Variants in DCLK1 observed in about 807,000 individuals in gnomAD.
DCLK1 encodes the protein doublecortin like kinase 1.
Under a neutral mutation model 86.2 loss-of-function variants are expected in DCLK1, and 16 were observed. The ratio of observed to expected loss-of-function variants is 0.19; its 90% CI spans 0.13 to 0.28. The LOEUF (loss-of-function observed/expected upper bound fraction) is 0.28, where lower values mean the gene tolerates loss of function less well. DCLK1 is among the 10% of genes least tolerant of loss of function. DCLK1 has a pLI of 1.00. For synonymous variants in DCLK1, 369 were observed against 370.5 expected, an observed-to-expected ratio of 1.00 and a Z score of 0.05; for missense variants, 590 against 940.2, an observed-to-expected ratio of 0.63 and a Z score of 4.87.
At chr13:35,945,161 A>G (rs1877301008) in intron 4 of DCLK1, among the ~76,000 whole-genome samples, 1 of 152,096 alleles carries the variant, frequency 6.6e-6, no homozygotes, top group African/African-American at 2.4e-5. Flanking sequence ...TGGCCTCCCA[A>G]AGTCCTGGGT....
At chr13:35,910,580 G>A (rs990445802) in intron 4 of DCLK1, among the ~76,000 whole-genome samples, 7 of 152,242 alleles carry the variant, frequency 4.6e-5, no homozygotes, top group East Asian at 1.9e-4. Flanking sequence ...CCTTAAAACC[G>A]AACATGTCTG....
intron 9 of DCLK1, 44 bp from the exon 10 acceptor site, chr13:35,827,798 G>A (rs1868604052): frequency 6.2e-7 from 1 of 1,607,648 alleles, no homozygotes. Flanking sequence ...CATAAAACAT[G>A]TGGAGGGCTA....
intron 4 of DCLK1, among the ~76,000 whole-genome samples, chr13:35,917,584 C>T (rs1875495136): frequency 6.6e-6 from 1 of 152,128 alleles, no homozygotes; most frequent in Non-Finnish European, 1.5e-5. Context: ...AGAAAGCATG[C>T]CAAGCCTTGT....
intron 4 of DCLK1, among the ~76,000 whole-genome samples, chr13:35,892,961 A>G (rs1001196557): frequency 5.3e-5 from 8 of 152,252 alleles, no homozygotes; most frequent in African/African-American, 1.9e-4. Flanking sequence ...AATATACCAA[A>G]AGATGGGCTC....
chr13:35,997,298 C>T (rs920939946), intron 3 of DCLK1, among the ~76,000 whole-genome samples: 3 of 152,038 alleles, frequency 2.0e-5, no homozygotes, highest in East Asian at 3.8e-4. Flanking sequence ...GAAGATAGGC[C>T]CCAATCCAAC....
At chr13:35,956,361 C>A (rs1050973907) in intron 3 of DCLK1, among the ~76,000 whole-genome samples, 1 of 152,072 alleles carries the variant, frequency 6.6e-6, no homozygotes, top group Admixed American at 6.6e-5. Flanking sequence ...TTCTATTGCA[C>A]AAAAGATTCA....
At chr13:35,932,270 G>A (rs530562533) in intron 4 of DCLK1, among the ~76,000 whole-genome samples, 1 of 152,194 alleles carries the variant, frequency 6.6e-6, no homozygotes, top group African/African-American at 2.4e-5. Context: ...TTCATCATTG[G>A]CTCCTCCAGG....
Position 35,774,377 on chromosome 13 carries a change from A to C in DCLK1, c.*158T>G. On this transcript the variant is annotated 3_prime_UTR_variant, in exon 17 of 17. Coordinates refer to ENST00000360631, the MANE Select transcript of DCLK1 (RefSeq NM_001330071.2). The stretch of plus-strand genomic sequence containing the variant: ...CACCACGTGTCATCTTATTCAGTAA[A>C]GGGAAACCGCTACAAAGATACCTGA... 3 of 903,594 alleles carry C rather than the reference A, an allele frequency of 3.3e-6. No homozygotes were observed. Among genetic ancestry groups the C allele is most frequent in the Non-Finnish European group, 4.9e-6 (3 of 613,392 alleles). 56.0% of individuals were successfully genotyped at this position (903,594 alleles called of 1,614,324 possible).
At chr13:35,978,203 C>CTTTTTTTTTTTTT (rs11311688) in intron 3 of DCLK1, among the ~76,000 whole-genome samples, 4 of 82,758 alleles carry the variant, frequency 4.8e-5, no homozygotes, top group Admixed American at 1.5e-4. Flanking sequence ...CTTTTCTTTT[C>CTTTTTTTTTTTTT]TTTTTTTTTT....
intron 3 of DCLK1, among the ~76,000 whole-genome samples, chr13:36,021,177 A>G (rs1235021464): frequency 6.6e-6 from 1 of 151,994 alleles, no homozygotes; most frequent in East Asian, 1.9e-4. Flanking sequence ...TTACATTGGC[A>G]TTATACCAAA....
At chr13:35,795,416 G>C (rs1459537440) in intron 15 of DCLK1, among the ~76,000 whole-genome samples, 1 of 152,206 alleles carries the variant, frequency 6.6e-6, no homozygotes, top group African/African-American at 2.4e-5. Flanking sequence ...ATTAGGAATA[G>C]AGCTTTTTAA....
intron 3 of DCLK1, among the ~76,000 whole-genome samples, chr13:36,048,219 T>C (rs1233365753): frequency 6.6e-6 from 1 of 152,174 alleles, no homozygotes; most frequent in African/African-American, 2.4e-5. Flanking sequence ...ATTGGATATA[T>C]GCTAAAACTG....
At chr13:35,849,174 G>A in intron 6 of DCLK1, 3 of 985,224 alleles carry the variant, frequency 3.0e-6, no homozygotes, top group South Asian at 4.7e-5. Flanking sequence ...TCTTCTTTTG[G>A]TTGGAATATT....
Position 35,772,546 on chromosome 13 carries a change from C to T in DCLK1, c.*1989G>A, listed in dbSNP as rs918321029. The T allele has an allele frequency of 2.6e-5, 4 of 152,064 alleles. No homozygotes were observed. The highest frequency in any genetic ancestry group is 9.7e-5 in the African/African-American group (4 of 41,390). 9.4% of individuals were successfully genotyped at this position (152,064 alleles called of 1,614,324 possible). A position where few individuals can be genotyped will look rare whatever the true frequency, so the allele number is the denominator to read the frequency against. ...CATTAATATGGAATCTACCTACACACCAACACTCTTTCTGGTGTTCTGTGC... is the reference window on the plus strand; with the variant it reads ...CATTAATATGGAATCTACCTACACATCAACACTCTTTCTGGTGTTCTGTGC... On this transcript the variant is annotated 3_prime_UTR_variant, in exon 17 of 17. Coordinates refer to ENST00000360631, the MANE Select transcript of DCLK1 (RefSeq NM_001330071.2).
In DCLK1 at chr13:35,794,982, C is replaced by T. The variant is rs1039797244; in HGVS notation, c.1945-1503G>A. ...TCTCTGTCCACCAGAACCTTGCAGGCTAATTGGGAGACAAAACATGCACAC... is the reference window on the plus strand; with the variant it reads ...TCTCTGTCCACCAGAACCTTGCAGGTTAATTGGGAGACAAAACATGCACAC... On this transcript the variant is annotated intron_variant, in intron 15 of 16. Transcript: ENST00000360631. Among the ~76,000 whole-genome samples, 3 of 152,100 alleles carry T rather than the reference C, an allele frequency of 2.0e-5. No homozygotes were observed. In the East Asian group the frequency reaches 5.8e-4, roughly 29 times the overall value.
At chr13:35,885,051 CTA>C (rs370384550) in intron 4 of DCLK1, among the ~76,000 whole-genome samples, 1 of 152,090 alleles carries the variant, frequency 6.6e-6, no homozygotes, top group Admixed American at 6.6e-5. Flanking sequence ...GGAGGGGCTC[CTA>C]TATAAAGGAA....
At chr13:35,788,491 G>A (rs1026552883) in intron 16 of DCLK1, among the ~76,000 whole-genome samples, 5 of 152,184 alleles carry the variant, frequency 3.3e-5, no homozygotes, top group Non-Finnish European at 7.4e-5. Flanking sequence ...AGGCCAATTT[G>A]CTCAAATAGA....
chr13:36,026,700 G>A (rs547281815), intron 3 of DCLK1, among the ~76,000 whole-genome samples: 1 of 152,246 alleles, frequency 6.6e-6, no homozygotes, highest in African/African-American at 2.4e-5. Flanking sequence ...TTTGGCAAAC[G>A]TTTTTGCATT....
At chr13:35,973,767 A>G (rs1455398096) in intron 3 of DCLK1, among the ~76,000 whole-genome samples, 4 of 152,198 alleles carry the variant, frequency 2.6e-5, no homozygotes, top group African/African-American at 9.7e-5. Context: ...CTGATCCTGC[A>G]GACAGGTTAA....
Sources: allele counts gnomAD v4.1 joint callset (sites outside exome capture counted in the v4.1 genomes callset), GRCh38; gene constraint gnomAD v4.1.1; transcripts MANE v1.5; gene names NCBI Gene and HGNC (gene_info 2026-07-23, HGNC 2026-07-21).